Variants in NEGR1 observed in about 807,000 individuals in gnomAD.
NEGR1 encodes neuronal growth regulator 1.
Under a neutral mutation model 40.9 loss-of-function variants are expected in NEGR1, and 10 were observed. The ratio of observed to expected loss-of-function variants is 0.24; its 90% CI spans 0.15 to 0.42. The LOEUF (loss-of-function observed/expected upper bound fraction) is 0.42. Among genes scored for constraint, NEGR1 ranks in the 10% least tolerant of loss-of-function variants. NEGR1 has a pLI of 1.00. For synonymous variants in NEGR1, 185 were observed against 166.8 expected (o/e 1.11, Z -0.84); for missense variants, 352 against 438.9 (o/e 0.80, Z 1.77).
chr1:72,203,732 T>C (rs1270112510), intron 1 of NEGR1, among the ~76,000 whole-genome samples: 4 of 152,044 alleles, frequency 2.6e-5, no homozygotes, highest in Non-Finnish European at 5.9e-5. Context: ...TCAAACTTCA[T>C]TATCCTCTTA....
Position 71,403,806 on chromosome 1 carries a change from A to G in NEGR1, c.*3640T>C. On this transcript the variant is annotated 3_prime_UTR_variant, in exon 7 of 7. Coordinates refer to ENST00000357731, the MANE Select transcript of NEGR1 (RefSeq NM_173808.3). ...AACATATTTTACATCAGGTTATGAA[A>G]TATGGATGTTTTACTAAAAGACAGG... 2.6e-6 allele frequency: 1 copy of G among 379,506 alleles called. No individual in the cohort carries two copies. Among genetic ancestry groups the G allele is most frequent in the Non-Finnish European group, 4.7e-6 (1 of 212,242 alleles). 23.5% of individuals were successfully genotyped at this position (379,506 alleles called of 1,614,324 possible). A position where few individuals can be genotyped will look rare whatever the true frequency, so the allele number is the denominator to read the frequency against.
chr1:72,198,218 G>A (rs781100302), intron 1 of NEGR1, among the ~76,000 whole-genome samples: 1 of 151,956 alleles, frequency 6.6e-6, no homozygotes, highest in African/African-American at 2.4e-5. Context: ...ACTAAATTCT[G>A]GCCAAAAGAC....
chr1:71,985,430 AG>A (rs1646386310), intron 1 of NEGR1, among the ~76,000 whole-genome samples: 1 of 152,244 alleles, frequency 6.6e-6, no homozygotes, highest in African/African-American at 2.4e-5. Flanking sequence ...TAATCTTCAT[AG>A]GGTTGTGATA....
At chr1:71,535,063 T>C (rs1647471113) in intron 6 of NEGR1, among the ~76,000 whole-genome samples, 1 of 151,684 alleles carries the variant, frequency 6.6e-6, no homozygotes, top group Non-Finnish European at 1.5e-5. Flanking sequence ...TAATGCTATA[T>C]AATACATCGT....
intron 6 of NEGR1, among the ~76,000 whole-genome samples, chr1:71,568,471 T>C (rs1648692573): frequency 6.6e-6 from 1 of 152,166 alleles, no homozygotes; most frequent in Non-Finnish European, 1.5e-5. Context: ...ATCCATGTGT[T>C]CCAGATGAGG....
intron 1 of NEGR1, among the ~76,000 whole-genome samples, chr1:72,197,016 T>C (rs1653025785): frequency 6.6e-6 from 1 of 152,002 alleles, no homozygotes; most frequent in South Asian, 2.1e-4. Context: ...TAGCCTCTGA[T>C]TTCTATTTCA....
chr1:71,575,478 C>G (rs149402542), intron 6 of NEGR1, among the ~76,000 whole-genome samples: 1 of 152,296 alleles, frequency 6.6e-6, no homozygotes, highest in African/African-American at 2.4e-5. Flanking sequence ...CATTCAAAGC[C>G]TTTTCTACTT....
intron 2 of NEGR1, among the ~76,000 whole-genome samples, chr1:71,867,008 A>G (rs750815041): frequency 1.3e-5 from 2 of 152,212 alleles, no homozygotes; most frequent in African/African-American, 4.8e-5. Context: ...AGATTATCAT[A>G]TAAGTACGAA....
At chr1:71,805,305 G>T (rs1261004285) in intron 2 of NEGR1, among the ~76,000 whole-genome samples, 1 of 152,042 alleles carries the variant, frequency 6.6e-6, no homozygotes, top group Non-Finnish European at 1.5e-5. Context: ...TGTGATCTCT[G>T]TGACCTACAT....
Position 71,657,987 on chromosome 1 carries a change from T to A in NEGR1, c.667+40021A>T, listed in dbSNP as rs185840285. Among the ~76,000 whole-genome samples the A allele has an allele frequency of 2.3e-3, 354 of 152,354 alleles. 3 individuals carry two copies. Among genetic ancestry groups the A allele is most frequent in the South Asian group, 9.1e-3 (44 of 4,828 alleles). ...AAATCCCACTGCTAAACATTCTTTT[T>A]TTCTCTCTGCCAAATGACTTATCTT... is the stretch of plus-strand genomic sequence containing the variant. On this transcript the variant is annotated intron_variant, in intron 4 of 6. Transcript: ENST00000357731.
chr1:72,101,110 G>A (rs941672012), intron 1 of NEGR1, among the ~76,000 whole-genome samples: 3 of 152,168 alleles, frequency 2.0e-5, no homozygotes, highest in Admixed American at 1.3e-4. Context: ...CACAGGGGAC[G>A]TATTGCAGTC....
intron 2 of NEGR1, among the ~76,000 whole-genome samples, chr1:71,796,887 T>G (rs1657348509): frequency 6.6e-6 from 1 of 152,128 alleles, no homozygotes; most frequent in South Asian, 2.1e-4. Context: ...GAAAGACTTT[T>G]TAAAAGTTGT....
At chr1:72,135,392 AAAAACAAAAAAC>A (rs1650418966) in intron 1 of NEGR1, among the ~76,000 whole-genome samples, 1 of 136,470 alleles carries the variant, frequency 7.3e-6, no homozygotes, top group Non-Finnish European at 1.5e-5. Flanking sequence ...AAAAAAAACA[AAAAACAAAAAAC>A]AAAAAAAAAA....
At chr1:72,034,452 A>G (rs979138232) in intron 1 of NEGR1, among the ~76,000 whole-genome samples, 1 of 152,192 alleles carries the variant, frequency 6.6e-6, no homozygotes, top group Non-Finnish European at 1.5e-5. Context: ...GGGGAAAATC[A>G]CAAGCTTTAC....
At chr1:72,094,441 T>C (rs1260498196) in intron 1 of NEGR1, among the ~76,000 whole-genome samples, 1 of 152,192 alleles carries the variant, frequency 6.6e-6, no homozygotes, top group Admixed American at 6.6e-5. Context: ...TCTTGAAAAC[T>C]GTTGCAAAAC....
intron 1 of NEGR1, among the ~76,000 whole-genome samples, chr1:72,122,999 G>A (rs116722203): frequency 6.6e-6 from 1 of 151,764 alleles, no homozygotes; most frequent in Non-Finnish European, 1.5e-5. Context: ...AACATTCCTG[G>A]AATACCCTTT....
chr1:71,976,808 T>C (rs1165450283), intron 1 of NEGR1, among the ~76,000 whole-genome samples: 1 of 152,100 alleles, frequency 6.6e-6, no homozygotes, highest in Admixed American at 6.5e-5. Context: ...TTGAGTGAAA[T>C]GTCAACAAGA....
At chr1:71,668,592 A>T (rs1041670110) in intron 4 of NEGR1, among the ~76,000 whole-genome samples, 1 of 152,198 alleles carries the variant, frequency 6.6e-6, no homozygotes, top group Non-Finnish European at 1.5e-5. Flanking sequence ...GTGGGAAGAT[A>T]AAACGTGACT....
intron 5 of NEGR1, among the ~76,000 whole-genome samples, chr1:71,606,933 G>T (rs1016764236): frequency 4.6e-5 from 7 of 152,042 alleles, no homozygotes; most frequent in African/African-American, 1.4e-4. Context: ...CCTGTTTTTT[G>T]TTTGTGTTTA....
Sources: allele counts gnomAD v4.1 joint callset (sites outside exome capture counted in the v4.1 genomes callset), GRCh38; gene constraint gnomAD v4.1.1; transcripts MANE v1.5; gene names NCBI Gene and HGNC (gene_info 2026-07-23, HGNC 2026-07-21).